The following COL8A1 variants were observed in gnomAD, a reference collection of about 807,000 sequenced individuals.
The protein encoded by COL8A1 is collagen alpha-1(VIII) chain.
COL8A1 carries 21 observed loss-of-function variants against 42.7 expected under a neutral mutation model. That is an observed-to-expected ratio of 0.49 (90% confidence interval 0.35 to 0.71). COL8A1 has a LOEUF of 0.71. Ranked by LOEUF, COL8A1 falls within the 30% of genes least tolerant of loss-of-function variation. The pLI is 0.01. For synonymous variants in COL8A1, 367 were observed against 369.1 expected (o/e 0.99, Z 0.06); for missense variants, 788 against 962.4 (o/e 0.82, Z 2.40).
chr3:99,714,844 T>G (rs1290552055), intron 1 of COL8A1, among the ~76,000 whole-genome samples: 1 of 152,122 alleles, frequency 6.6e-6, no homozygotes, highest in Admixed American at 6.6e-5. Context: ...AGGTGTGCCA[T>G]AGAGGGAGAA....
At chr3:99,750,282 C>T (rs1043508083) in intron 2 of COL8A1, among the ~76,000 whole-genome samples, 3 of 151,956 alleles carry the variant, frequency 2.0e-5, no homozygotes, top group African/African-American at 7.2e-5. Flanking sequence ...GTCTTGAACT[C>T]CTGATCTCCA....
intron 1 of COL8A1, among the ~76,000 whole-genome samples, chr3:99,704,650 C>T (rs1227901642): frequency 6.6e-6 from 1 of 152,204 alleles, no homozygotes; most frequent in Admixed American, 6.5e-5. Flanking sequence ...GTCCTCACTC[C>T]ATCCTGCTGT....
chr3:99,758,041 A>T (rs1244197070), intron 2 of COL8A1, among the ~76,000 whole-genome samples: 1 of 152,166 alleles, frequency 6.6e-6, no homozygotes, highest in Non-Finnish European at 1.5e-5. Context: ...CAATGGCAAA[A>T]ACTTACTTTT....
intron 1 of COL8A1, among the ~76,000 whole-genome samples, chr3:99,646,213 G>A (rs148595953): frequency 9.5e-4 from 145 of 152,118 alleles, no homozygotes; most frequent in African/African-American, 3.3e-3. Flanking sequence ...GATCAATTAG[G>A]ACCATAAAAA....
intron 2 of COL8A1, among the ~76,000 whole-genome samples, chr3:99,781,686 T>C (rs887703712): frequency 1.3e-5 from 2 of 152,178 alleles, no homozygotes. Context: ...ACTGTACTAG[T>C]GCATGTACTA....
chr3:99,786,545 C>T (rs192387800), intron 2 of COL8A1, among the ~76,000 whole-genome samples: 1 of 152,286 alleles, frequency 6.6e-6, no homozygotes, highest in East Asian at 1.9e-4. Flanking sequence ...AATTGCTGTT[C>T]TTTATAAACC....
At chr3:99,660,307 T>A (rs1436827645) in intron 1 of COL8A1, among the ~76,000 whole-genome samples, 1 of 152,194 alleles carries the variant, frequency 6.6e-6, no homozygotes, top group Non-Finnish European at 1.5e-5. Context: ...TTTTTCTACT[T>A]CTGGTCCCAA....
chr3:99,680,687 T>C (rs1445660733), intron 1 of COL8A1, among the ~76,000 whole-genome samples: 1 of 152,172 alleles, frequency 6.6e-6, no homozygotes, highest in Non-Finnish European at 1.5e-5. Flanking sequence ...TGATTGCCAT[T>C]CTAACTGGTG....
chr3:99,771,760 T>C (rs1004397334), intron 2 of COL8A1, among the ~76,000 whole-genome samples: 1 of 152,178 alleles, frequency 6.6e-6, no homozygotes, highest in Non-Finnish European at 1.5e-5. Flanking sequence ...ATACTAGGCA[T>C]GGCTAGGTTT....
chr3:99,656,121 T>C (rs988016671), intron 1 of COL8A1, among the ~76,000 whole-genome samples: 1 of 152,154 alleles, frequency 6.6e-6, no homozygotes, highest in African/African-American at 2.4e-5. Flanking sequence ...TAAGTATATA[T>C]CAAAAGAAGT....
intron 1 of COL8A1, among the ~76,000 whole-genome samples, chr3:99,642,408 G>A (rs1340869207): frequency 6.6e-6 from 1 of 151,960 alleles, no homozygotes; most frequent in African/African-American, 2.4e-5. Flanking sequence ...AAACTGAAGT[G>A]AATAAAACAA....
intron 1 of COL8A1, among the ~76,000 whole-genome samples, chr3:99,655,185 AGT>A (rs1199666425): frequency 1.3e-5 from 2 of 152,142 alleles, no homozygotes; most frequent in Non-Finnish European, 2.9e-5. Flanking sequence ...CCCTGGGGCA[AGT>A]GTCCTCTCAC....
intron 1 of COL8A1, among the ~76,000 whole-genome samples, chr3:99,681,036 C>T (rs1024622679): frequency 3.3e-5 from 5 of 152,144 alleles, no homozygotes; most frequent in African/African-American, 1.2e-4. Context: ...CCTAAAAACC[C>T]TAGAAGAAAA....
At chr3:99,775,050 T>G (rs550603359) in intron 2 of COL8A1, among the ~76,000 whole-genome samples, 1 of 152,148 alleles carries the variant, frequency 6.6e-6, no homozygotes, top group South Asian at 2.1e-4. Context: ...CTGGCTAGGG[T>G]CATACACAAC....
chr3:99,653,238 G>A (rs557348782), intron 1 of COL8A1, among the ~76,000 whole-genome samples: 3 of 152,318 alleles, frequency 2.0e-5, no homozygotes, highest in African/African-American at 4.8e-5. Context: ...CGCTGTCTAC[G>A]TGTTGCAAAT....
intron 1 of COL8A1, among the ~76,000 whole-genome samples, chr3:99,645,345 G>A (rs1937622273): frequency 6.6e-6 from 1 of 151,576 alleles, no homozygotes; most frequent in African/African-American, 2.4e-5. Flanking sequence ...GCACTAGGGG[G>A]AGCTAAGAAT....
intron 1 of COL8A1, among the ~76,000 whole-genome samples, chr3:99,655,842 G>A (rs888795831): frequency 2.0e-5 from 3 of 152,124 alleles, no homozygotes; most frequent in Admixed American, 6.5e-5. Context: ...TAGCCAACTT[G>A]AAGCACTGAC....
At chr3:99,780,440 C>T (rs977877615) in intron 2 of COL8A1, among the ~76,000 whole-genome samples, 1 of 152,176 alleles carries the variant, frequency 6.6e-6, no homozygotes, top group Non-Finnish European at 1.5e-5. Flanking sequence ...CTACAACCCC[C>T]AAACCCCATC....
intron 1 of COL8A1, among the ~76,000 whole-genome samples, chr3:99,645,183 G>A (rs972399693): frequency 2.0e-5 from 3 of 152,150 alleles, no homozygotes; most frequent in African/African-American, 7.2e-5. Context: ...AGTGATGATT[G>A]TACATTATTG....
Sources: gnomAD v4.1 joint callset for allele counts (sites outside exome capture counted in the v4.1 genomes callset) on GRCh38, gnomAD v4.1.1 for gene constraint, MANE v1.5 for transcripts, NCBI Gene and HGNC (gene_info 2026-07-23, HGNC 2026-07-21) for gene names.